MBTD1: variants seen among roughly 807,000 people sequenced by gnomAD.
MBTD1 encodes the protein MBT domain-containing protein 1.
MBTD1 carries 24 observed loss-of-function variants against 87.8 expected under a neutral mutation model. The ratio of observed to expected loss-of-function variants is 0.27; its 90% CI spans 0.20 to 0.38. The LOEUF is 0.38. Ranked by LOEUF, MBTD1 falls within the 10% of genes least tolerant of loss-of-function variation. The pLI is 1.00. For missense variants in MBTD1, 436 were observed against 760.2 expected (o/e 0.57, Z 5.02); for synonymous variants, 237 against 248.6 (o/e 0.95, Z 0.44).
At chr17:51,206,771 T>G (rs2051865908) in intron 7 of MBTD1, 117 bp downstream of exon 7, 2 of 675,084 alleles carry the variant, frequency 3.0e-6, no homozygotes, top group African/African-American at 3.6e-5. Context: ...ACCCCTGCCC[T>G]ATATCATAAC....
At chr17:51,242,571 G>A (rs2054217548) in intron 2 of MBTD1, among the ~76,000 whole-genome samples, 2 of 152,066 alleles carry the variant, frequency 1.3e-5, no homozygotes, top group African/African-American at 4.8e-5. Context: ...GTTTCTTTTG[G>A]TTTTTAGTCT....
chr17:51,254,585 T>C (rs1453695235), intron 2 of MBTD1, among the ~76,000 whole-genome samples: 1 of 152,212 alleles, frequency 6.6e-6, no homozygotes, highest in Non-Finnish European at 1.5e-5. Context: ...GATTCTTTGA[T>C]CTACAAGAAA....
At chr17:51,209,559 C>T in intron 6 of MBTD1, 2 of 456,720 alleles carry the variant, frequency 4.4e-6, no homozygotes, top group South Asian at 1.6e-5. Context: ...GTCTTATTTG[C>T]TGTACTTCAA....
intron 4 of MBTD1, among the ~76,000 whole-genome samples, 174 bp from the exon 5 acceptor site, chr17:51,219,218 C>A (rs1329861567): frequency 6.6e-6 from 1 of 152,116 alleles, no homozygotes; most frequent in Non-Finnish European, 1.5e-5. Flanking sequence ...TGGAGTTCTG[C>A]TACAATGTAG....
chr17:51,181,021 CTTT>C lies in MBTD1; in HGVS notation c.1769-330_1769-328del, dbSNP rs57226972. Reference sequence around the variant, plus strand: ...TTCTTTCATGGTTCTGAAGTACAATCTTTTTTTTTTTTTTTTTTTGAGATGGAG... The same window carrying C: ...TTCTTTCATGGTTCTGAAGTACAATCTTTTTTTTTTTTTTTTGAGATGGAG... On this transcript the variant is annotated intron_variant, in intron 16 of 16. Coordinates refer to ENST00000586178, the MANE Select transcript of MBTD1 (RefSeq NM_017643.3). 5.0e-3 allele frequency among the ~76,000 whole-genome samples: 616 copies of C among 122,688 alleles called. 2 individuals are homozygous for C. The highest frequency in any genetic ancestry group is 7.7e-3 in the Admixed American group (91 of 11,816). The allele number at this position is 122,688 out of a possible 152,430, so 80.5% of individuals were successfully genotyped here.
chr17:51,225,045 C>T lies in MBTD1; in HGVS notation c.117G>A (p.Gly39=). Residue 39 remains glycine, a synonymous_variant, in exon 3 of 17, where the codon GGG becomes GGA. Coordinates refer to ENST00000586178, the MANE Select transcript of MBTD1 (RefSeq NM_017643.3). ...TACCATCTGGGTATGTGTAGACTTGCCCATTGTTTTTGATAATCGGGAGAT... is the reference window on the plus strand; with the variant it reads ...TACCATCTGGGTATGTGTAGACTTGTCCATTGTTTTTGATAATCGGGAGAT... ...PSNLPIIKNN[G]QVYTYPDGKS... 3 of 1,551,130 alleles carry T rather than the reference C, an allele frequency of 1.9e-6. No homozygotes were observed. Among genetic ancestry groups the T allele is most frequent in the Non-Finnish European group, 2.6e-6 (3 of 1,146,604 alleles).
At position 51,192,834 on chromosome 17, in the gene MBTD1, A is replaced by C; in HGVS notation, c.1638T>G (p.Pro546=). Residue 546 remains proline, a synonymous_variant, in exon 15 of 17, where the codon CCT becomes CCG. Coordinates refer to ENST00000586178, the MANE Select transcript of MBTD1 (RefSeq NM_017643.3). ...WVDCESPDLY[P]VGWCQLTGYQ... is the part of the protein sequence containing the mutation. The stretch of plus-strand genomic sequence containing the variant: ...ATCCAGTTAACTGACACCACCCTAC[A>C]GGATAGAGGTCAGGTGACTCACAGT... The C allele has an allele frequency of 6.2e-7, 1 of 1,614,198 alleles. No individual in the cohort carries two copies. The highest frequency in any genetic ancestry group is 1.7e-5 in the Admixed American group (1 of 60,020).
intron 6 of MBTD1, among the ~76,000 whole-genome samples, chr17:51,212,047 G>A (rs1237917583): frequency 6.6e-6 from 1 of 152,110 alleles, no homozygotes; most frequent in Admixed American, 6.6e-5. Context: ...TAACAAGAGG[G>A]TATCTGTGGA....
chr17:51,220,546 C>A, intron 3 of MBTD1, 83 bp from the exon 4 acceptor site: 2 of 1,295,036 alleles, frequency 1.5e-6, no homozygotes, highest in South Asian at 1.5e-5. Context: ...ATTTCTCCTG[C>A]CATCTGAAAG....
rs185559139 is a variant in MBTD1 at position 51,180,371 on chromosome 17, A to T, written c.*205T>A. 3.2e-3 allele frequency: 1,376 copies of T among 430,404 alleles called. 9 individuals carry two copies. The highest frequency in any genetic ancestry group is 4.5e-3 in the Non-Finnish European group (1,111 of 245,296). The allele number at this position is 430,404 out of a possible 1,614,324, so 26.7% of individuals were successfully genotyped here. ...CAAAAGCTTCAAATACAACACAAAAATTGTCCATCTTTATAAATTGAAAAT... is the reference window on the plus strand; with the variant it reads ...CAAAAGCTTCAAATACAACACAAAATTTGTCCATCTTTATAAATTGAAAAT... On this transcript the variant is annotated 3_prime_UTR_variant, in exon 17 of 17. Coordinates refer to ENST00000586178, the MANE Select transcript of MBTD1 (RefSeq NM_017643.3).
chr17:51,210,888 G>A (rs943961163), intron 6 of MBTD1, among the ~76,000 whole-genome samples: 1 of 152,172 alleles, frequency 6.6e-6, no homozygotes, highest in Non-Finnish European at 1.5e-5. Flanking sequence ...CTCACGCCAA[G>A]GACTTTGGGA....
intron 6 of MBTD1, among the ~76,000 whole-genome samples, chr17:51,214,533 A>G (rs943507662): frequency 6.6e-6 from 1 of 152,208 alleles, no homozygotes; most frequent in Non-Finnish European, 1.5e-5. Context: ...GCTGGAAAAC[A>G]GAAAGTATTT....
chr17:51,260,720 T>C, upstream of MBTD1: 1 of 1,597,750 alleles, frequency 6.3e-7, no homozygotes, highest in Non-Finnish European at 8.5e-7. Context: ...TGCCCCTTCA[T>C]CCCAGCGGAA....
Position 51,192,297 on chromosome 17 carries a change from G to C in MBTD1, c.1691-17C>G. ...CTCTTGATGCTGAAAAATAAAAAGG[G>C]AAAATTGGTACTAGATAATTGTTTA... On this transcript the variant is annotated splice_polypyrimidine_tract_variant and intron_variant, in intron 15 of 16. Coordinates refer to ENST00000586178, the MANE Select transcript of MBTD1 (RefSeq NM_017643.3). The C allele has an allele frequency of 6.6e-7, 1 of 1,516,390 alleles. No individual in the cohort carries two copies. The highest frequency in any genetic ancestry group is 1.2e-5 in the South Asian group (1 of 83,226). The allele number at this position is 1,516,390 out of a possible 1,614,324, so 93.9% of individuals were successfully genotyped here. A position where few individuals can be genotyped will look rare whatever the true frequency, so the allele number is the denominator to read the frequency against.
chr17:51,195,096 A>C, intron 13 of MBTD1, 118 bp downstream of exon 13: 1 of 765,974 alleles, frequency 1.3e-6, no homozygotes, highest in Non-Finnish European at 2.0e-6. Context: ...GTATATGTTT[A>C]TCCACACACA....
chr17:51,202,913 G>A lies in MBTD1; in HGVS notation c.851C>T (p.Pro284Leu). The change falls in exon 10 of 17, where the codon CCT becomes CTT. Residue 284 changes from proline (P) to leucine (L), a missense_variant. This residue lies in a region of MBTD1 where 268 missense variants were observed against 401.8 expected (regional missense o/e 0.67). Coordinates refer to ENST00000586178, the MANE Select transcript of MBTD1 (RefSeq NM_017643.3). ...SQKVSESMQY[P>L]FKPCMRVEVV... The stretch of plus-strand genomic sequence containing the variant: ...TTCTACTCTCATGCAAGGTTTGAAA[G>A]GATACTGCATACTCTCTGAAACCTT... 2 of 1,613,520 alleles carry A rather than the reference G, an allele frequency of 1.2e-6. No individual in the cohort carries two copies. The highest frequency in any genetic ancestry group is 1.7e-6 in the Non-Finnish European group (2 of 1,179,528).
chr17:51,258,090 T>A (rs2144318316), intron 2 of MBTD1, among the ~76,000 whole-genome samples: 1 of 152,020 alleles, frequency 6.6e-6, no homozygotes, highest in East Asian at 1.9e-4. Context: ...AATAACAGTC[T>A]AAGTCCACAA....
At chr17:51,218,879 TA>T in intron 5 of MBTD1, 50 bp downstream of exon 5, 2 of 1,075,558 alleles carry the variant, frequency 1.9e-6, no homozygotes, top group Non-Finnish European at 1.4e-6. Flanking sequence ...TAATTAAAAC[TA>T]AATGAATCAA....
intron 2 of MBTD1, among the ~76,000 whole-genome samples, chr17:51,239,151 C>T (rs569780718): frequency 6.6e-6 from 1 of 151,886 alleles, no homozygotes; most frequent in South Asian, 2.1e-4. Context: ...AACATGGCCC[C>T]TCATTTCCCA....
Sources: allele counts gnomAD v4.1 joint callset (sites outside exome capture counted in the v4.1 genomes callset), GRCh38; gene constraint gnomAD v4.1.1; regional missense constraint gnomAD v4.1.1; transcripts MANE v1.5; gene names NCBI Gene and HGNC (gene_info 2026-07-23, HGNC 2026-07-21).